CCDC38: variants seen among roughly 807,000 people sequenced by gnomAD.
CCDC38 encodes coiled-coil domain containing 38.
Under a neutral mutation model 72.8 loss-of-function variants are expected in CCDC38, and 69 were observed. The observed-to-expected ratio is 0.95, with a 90% CI of 0.78 to 1.16. CCDC38 has a LOEUF of 1.16. Among genes scored for constraint, CCDC38 ranks in the 50% most tolerant of loss-of-function variants. The probability of loss-of-function intolerance (pLI) is 0.00; values close to 1 mark genes in which losing one functional copy is unlikely to be tolerated. For missense variants in CCDC38, 626 were observed against 638.9 expected (o/e 0.98, Z 0.22); for synonymous variants, 201 against 213.2 (o/e 0.94, Z 0.50).
intron 2 of CCDC38, among the ~76,000 whole-genome samples, chr12:95,923,700 A>AC (rs1402734149): frequency 6.7e-6 from 1 of 150,214 alleles, no homozygotes; most frequent in Non-Finnish European, 1.5e-5. Flanking sequence ...CACTCCCCCC[A>AC]CTCCACAACA....
At chr12:95,900,238 G>A (rs2079936524) in intron 5 of CCDC38, among the ~76,000 whole-genome samples, 1 of 152,114 alleles carries the variant, frequency 6.6e-6, no homozygotes, top group Non-Finnish European at 1.5e-5. Context: ...GAAAGGGTTT[G>A]AATCATAATC....
intron 2 of CCDC38, among the ~76,000 whole-genome samples, chr12:95,923,912 T>C (rs1262253748): frequency 7.0e-6 from 1 of 142,594 alleles, no homozygotes; most frequent in Non-Finnish European, 1.5e-5. Flanking sequence ...ATGGTGTATA[T>C]GTGCCACATT....
chr12:95,867,088 AT>A lies in CCDC38; in HGVS notation c.1679del (p.Tyr560PhefsTer6), dbSNP rs994511112. 7 of 1,569,524 alleles carry A rather than the reference AT, an allele frequency of 4.5e-6. No homozygotes were observed. Among genetic ancestry groups the A allele is most frequent in the Non-Finnish European group, 6.1e-6 (7 of 1,143,240 alleles). On this transcript the variant is annotated frameshift_variant, in exon 16 of 16. Transcript: ENST00000344280. LOFTEE classifies it high-confidence loss of function. ...TTACTGCTTTTATTCAAGTAAAAAA[AT>A]ATTCTTCCTCTTGTGATTTTGTTTT... ...ETKTKSQEEE[Y>X]FFT
chr12:95,905,698 A>G (rs149026929), intron 5 of CCDC38, among the ~76,000 whole-genome samples: 42 of 152,332 alleles, frequency 2.8e-4, no homozygotes, highest in African/African-American at 9.1e-4. Flanking sequence ...ATACTTGACA[A>G]TAAAGGTATA....
intron 4 of CCDC38, among the ~76,000 whole-genome samples, 197 bp downstream of exon 4, chr12:95,916,932 G>C (rs1273691061): frequency 6.6e-6 from 1 of 152,090 alleles, no homozygotes; most frequent in Non-Finnish European, 1.5e-5. Flanking sequence ...ATGAAAATGA[G>C]TAACAGTCAT....
intron 2 of CCDC38, among the ~76,000 whole-genome samples, chr12:95,931,303 G>A (rs1044448383): frequency 1.2e-4 from 18 of 152,030 alleles, no homozygotes; most frequent in African/African-American, 3.9e-4. Context: ...TCACCTTCTC[G>A]GTCTTTGAAT....
At position 95,936,516 on chromosome 12, in the gene CCDC38, G is replaced by A. The variant is rs1215429101; in HGVS notation, c.-7C>T. The A allele has an allele frequency of 4.4e-6, 7 of 1,605,926 alleles. No individual in the cohort carries two copies. The highest frequency in any genetic ancestry group is 1.4e-5 in the African/African-American group (1 of 72,698). On this transcript the variant is annotated 5_prime_UTR_variant, in exon 2 of 16. Transcript: ENST00000344280. The stretch of plus-strand genomic sequence containing the variant: ...GCAATAAATTTGAGGACATTTTCTT[G>A]CCTGGCCCTGTTGAAAGAAAAAAAA...
chr12:95,898,390 C>T lies in CCDC38; in HGVS notation c.609G>A (p.Val203=). Residue 203 remains valine, a synonymous_variant, in exon 7 of 16, where the codon GTG becomes GTA. Coordinates refer to ENST00000344280, the MANE Select transcript of CCDC38 (RefSeq NM_182496.3). ...AAGATTGTGCCCACCCTCACCTTTT[C>T]ACTGCTTGTACCTCCATGCTTGCTT... ...LKKASMEVQA[V]KSEIAKTEFL... is the part of the protein sequence containing the mutation. 6.2e-7 allele frequency: 1 copy of T among 1,614,192 alleles called. No homozygotes were observed. Among genetic ancestry groups the T allele is most frequent in the Non-Finnish European group, 8.5e-7 (1 of 1,180,020 alleles).
intron 8 of CCDC38, among the ~76,000 whole-genome samples, chr12:95,894,528 A>G (rs1446978931): frequency 6.6e-6 from 1 of 152,208 alleles, no homozygotes; most frequent in Non-Finnish European, 1.5e-5. Context: ...CAATCCTCAT[A>G]GGAATGAGTG....
At chr12:95,876,996 C>A (rs1474785445) in intron 13 of CCDC38, among the ~76,000 whole-genome samples, 1 of 151,846 alleles carries the variant, frequency 6.6e-6, no homozygotes, top group Non-Finnish European at 1.5e-5. Context: ...TTTCCAGGGT[C>A]TTAAAGAATG....
rs1230781828 is a variant in CCDC38 at position 95,895,064 on chromosome 12, G to A, written c.697C>T (p.Gln233Ter). The A allele has an allele frequency of 6.2e-7, 1 of 1,613,076 alleles. No homozygotes were observed. The highest frequency in any genetic ancestry group is 8.5e-7 in the Non-Finnish European group (1 of 1,179,606). Residue 233 changes from glutamine to a stop codon, truncating the protein, a stop_gained, in exon 8 of 16, where the codon CAA (glutamine) becomes TAA (stop). Transcript: ENST00000344280. LOFTEE classifies it high-confidence loss of function. Reference sequence around the variant, plus strand: ...GCTCTTTTTAGTGCTTGCTGGATTTGCCAATGTTTTGGAGACATTTGCAGC... The same window carrying A: ...GCTCTTTTTAGTGCTTGCTGGATTTACCAATGTTTTGGAGACATTTGCAGC... ...FLLQMSPKHW[Q>*]IQQALKRAQA...
intron 8 of CCDC38, among the ~76,000 whole-genome samples, chr12:95,893,046 T>G (rs2079846098): frequency 6.6e-6 from 1 of 152,250 alleles, no homozygotes; most frequent in Non-Finnish European, 1.5e-5. Context: ...TCTTTCTAGA[T>G]GAACCTTTGG....
chr12:95,888,634 ACTT>A, intron 9 of CCDC38, 128 bp from the exon 10 acceptor site: 2 of 718,638 alleles, frequency 2.8e-6, no homozygotes, highest in Non-Finnish European at 4.8e-6. Context: ...CATGCCCATT[ACTT>A]CTTTCTTTTT....
At chr12:95,938,784 C>T (rs1328961408) in intron 1 of CCDC38, among the ~76,000 whole-genome samples, 1 of 152,156 alleles carries the variant, frequency 6.6e-6, no homozygotes, top group African/African-American at 2.4e-5. Context: ...CAGTGGATGT[C>T]TTTGTTGTGC....
chr12:95,883,853 C>T (rs4762635), intron 10 of CCDC38, among the ~76,000 whole-genome samples: 19,460 of 152,116 alleles, frequency 0.13, 1,423 homozygotes, highest in South Asian at 0.26. Context: ...TTACTGTGAG[C>T]ATCTAGATGC....
intron 4 of CCDC38, among the ~76,000 whole-genome samples, chr12:95,916,574 C>T (rs1362509101): frequency 2.0e-5 from 3 of 151,984 alleles, no homozygotes; most frequent in Non-Finnish European, 4.4e-5. Context: ...CTTGGTTTGA[C>T]AAGTAGGATA....
At chr12:95,912,302 C>G (rs1229237394) in intron 4 of CCDC38, among the ~76,000 whole-genome samples, 2 of 152,036 alleles carry the variant, frequency 1.3e-5, no homozygotes, top group Non-Finnish European at 2.9e-5. Context: ...CAATAGAAGC[C>G]CAAAGCTCAG....
chr12:95,925,977 A>C, intron 2 of CCDC38, among the ~76,000 whole-genome samples: 2 of 127,108 alleles, frequency 1.6e-5, no homozygotes, highest in Non-Finnish European at 3.3e-5. Context: ...ATCAATGTTC[A>C]TCAAGGATAT....
intron 13 of CCDC38, among the ~76,000 whole-genome samples, chr12:95,873,005 AAAGT>A (rs1474737192): frequency 8.5e-5 from 13 of 152,222 alleles, no homozygotes; most frequent in African/African-American, 2.7e-4. Flanking sequence ...CTAGATATGA[AAAGT>A]AATTATAATG....
Sources: gnomAD v4.1 joint callset for allele counts (sites outside exome capture counted in the v4.1 genomes callset) on GRCh38, gnomAD v4.1.1 for gene constraint, MANE v1.5 for transcripts, NCBI Gene and HGNC (gene_info 2026-07-23, HGNC 2026-07-21) for gene names.